CCN6: variants seen among roughly 807,000 people sequenced by gnomAD.
CCN6 encodes cellular communication network factor 6.
Under a neutral mutation model 37.4 loss-of-function variants are expected in CCN6, and 31 were observed. That is an observed-to-expected ratio of 0.83 (90% CI 0.62 to 1.12). CCN6 has a LOEUF of 1.12. Ranked by LOEUF, CCN6 falls within the 50% of genes most tolerant of loss-of-function variation. The pLI is 0.00. For missense variants in CCN6, 369 were observed against 413.8 expected (o/e 0.89, Z 0.94); for synonymous variants, 137 against 142.1 (o/e 0.96, Z 0.26).
intron 1 of CCN6, among the ~76,000 whole-genome samples, chr6:112,058,157 T>C (rs913509222): frequency 1.3e-5 from 2 of 152,200 alleles, no homozygotes; most frequent in Admixed American, 1.3e-4. Context: ...CCCCTGCTCC[T>C]TCTCCAGAAG....
chr6:112,055,258 G>A (rs182562356), intron 1 of CCN6, among the ~76,000 whole-genome samples: 3 of 152,330 alleles, frequency 2.0e-5, no homozygotes, highest in Admixed American at 6.5e-5. Flanking sequence ...TGACAAGAAT[G>A]TCAGTGGTCC....
At chr6:112,057,533 A>G (rs1206123243) in intron 1 of CCN6, among the ~76,000 whole-genome samples, 1 of 152,190 alleles carries the variant, frequency 6.6e-6, no homozygotes, top group Admixed American at 6.5e-5. Context: ...GAGAGGGAGG[A>G]AGACAACCCA....
intron 4 of CCN6, among the ~76,000 whole-genome samples, chr6:112,068,621 TAATG>T (rs1314143317): frequency 1.3e-5 from 2 of 152,150 alleles, no homozygotes; most frequent in African/African-American, 2.4e-5. Flanking sequence ...TTTTCTATGT[TAATG>T]AATAAAAGAT....
intron 1 of CCN6, among the ~76,000 whole-genome samples, chr6:112,059,370 G>C (rs1776441142): frequency 6.6e-6 from 1 of 152,158 alleles, no homozygotes; most frequent in Admixed American, 6.6e-5. Flanking sequence ...GCGTTGGCAG[G>C]ACTGCCTCCC....
chr6:112,057,477 G>A (rs911952827), intron 1 of CCN6, among the ~76,000 whole-genome samples: 6 of 152,190 alleles, frequency 3.9e-5, no homozygotes, highest in African/African-American at 1.4e-4. Flanking sequence ...GGAAGACGAG[G>A]ACAATACAAT....
At chr6:112,067,320 G>A (rs1324252347) in intron 3 of CCN6, among the ~76,000 whole-genome samples, 3 of 152,086 alleles carry the variant, frequency 2.0e-5, no homozygotes, top group Admixed American at 1.3e-4. Flanking sequence ...AATGCCTTGA[G>A]ACAGTAAGTC....
intron 3 of CCN6, among the ~76,000 whole-genome samples, chr6:112,067,340 T>C (rs1412252351): frequency 1.3e-5 from 2 of 152,140 alleles, no homozygotes; most frequent in Non-Finnish European, 2.9e-5. Flanking sequence ...CAATATGTAG[T>C]TTGCTTAAAA....
At chr6:112,060,217 G>T in intron 1 of CCN6, 1 of 1,186,026 alleles carries the variant, frequency 8.4e-7, no homozygotes, top group South Asian at 1.3e-5. Context: ...AGCAAAGAGT[G>T]ATATGAACTG....
intron 2 of CCN6, 65 bp downstream of exon 2, chr6:112,061,353 A>G (rs117127535): frequency 9.7e-5 from 156 of 1,609,562 alleles, no homozygotes; most frequent in Non-Finnish European, 1.3e-4. Flanking sequence ...TTTTCCTGCA[A>G]TTGTTAGCTT....
intron 4 of CCN6, among the ~76,000 whole-genome samples, chr6:112,068,816 A>G (rs921771768): frequency 6.6e-6 from 1 of 151,026 alleles, no homozygotes; most frequent in Admixed American, 6.6e-5. Context: ...ATTGTTTGGT[A>G]TAACTAGAGC....
chr6:112,058,982 C>T (rs949469010), intron 1 of CCN6, among the ~76,000 whole-genome samples: 8 of 152,058 alleles, frequency 5.3e-5, no homozygotes, highest in African/African-American at 1.9e-4. Flanking sequence ...TGCATATGTA[C>T]CATAGCAACT....
Position 112,069,372 on chromosome 6 carries a change from C to T in CCN6, c.817C>T (p.Gln273Ter). ...AGGAAAAACATGCCAACCTACTTTC[C>T]AACTCTCCAAAGCTGAAAAATTTGT... is the stretch of plus-strand genomic sequence containing the variant. Reference protein sequence around the residue: ...PKGKTCQPTFQLSKAEKFVFS... With the variant: ...PKGKTCQPTF Residue 273 changes from glutamine (Q) to a stop codon, truncating the protein, a stop_gained, in exon 5 of 5, where the codon CAA (glutamine) becomes TAA (stop). Transcript: ENST00000368666. LOFTEE classifies it high-confidence loss of function. 6.2e-7 allele frequency: 1 copy of T among 1,613,508 alleles called. No homozygotes were observed. The highest frequency in any genetic ancestry group is 8.5e-7 in the Non-Finnish European group (1 of 1,179,832).
At chr6:112,068,808 T>G (rs1554314593) in intron 4 of CCN6, among the ~76,000 whole-genome samples, 1 of 151,236 alleles carries the variant, frequency 6.6e-6, no homozygotes, top group African/African-American at 2.5e-5. Flanking sequence ...ACCCTAAGAT[T>G]GTTTGGTATA....
Position 112,068,238 on chromosome 6 carries a change from A to C in CCN6, c.623A>C (p.Lys208Thr), listed in dbSNP as rs781970111. Reference sequence around the variant, plus strand: ...AATCTCCCACTTATTTGGAAAAAAAAATGTCTTGTGCAAGCAACAAAATGG... The same window carrying C: ...AATCTCCCACTTATTTGGAAAAAAACATGTCTTGTGCAAGCAACAAAATGG... ...YRNLPLIWKK[K>T]CLVQATKWTP... Residue 208 changes from lysine (K) to threonine (T), a missense_variant, in exon 4 of 5, where the codon AAA (lysine) becomes ACA (threonine). Transcript: ENST00000368666. The C allele has an allele frequency of 4.3e-6, 7 of 1,610,934 alleles. No individual in the cohort carries two copies. In the African/African-American group the frequency reaches 8.0e-5, roughly 18 times the overall value.
rs868971739 is a variant in CCN6, at chr6:112,065,630, A to G, written c.589+633A>G. Among the ~76,000 whole-genome samples, 303 of 148,910 alleles carry G rather than the reference A, an allele frequency of 2.0e-3. 1 individual carries two copies. Among genetic ancestry groups the G allele is most frequent in the Non-Finnish European group, 3.3e-3 (224 of 67,548 alleles). ...CACACGCACACACACACGCACGCAC[A>G]CACACACACACACAAACACACACAT... On this transcript the variant is annotated intron_variant, in intron 3 of 4. Coordinates refer to ENST00000368666, the MANE Select transcript of CCN6 (RefSeq NM_198239.2).
intron 2 of CCN6, among the ~76,000 whole-genome samples, chr6:112,063,404 A>G (rs782613195): frequency 1.3e-5 from 2 of 152,244 alleles, no homozygotes; most frequent in African/African-American, 2.4e-5. Context: ...TCCAAGACCC[A>G]TTTGGAATAG....
At chr6:112,063,913 T>C (rs1554313340) in intron 2 of CCN6, among the ~76,000 whole-genome samples, 1 of 152,240 alleles carries the variant, frequency 6.6e-6, no homozygotes, top group African/African-American at 2.4e-5. Flanking sequence ...ATATTTCCTA[T>C]TTTGTCACGT....
chr6:112,060,956 G>A (rs1439006981), intron 1 of CCN6, 35 bp from the exon 2 acceptor site: 4 of 1,612,366 alleles, frequency 2.5e-6, no homozygotes, highest in Admixed American at 1.7e-5. Context: ...ACATAGAGAA[G>A]CTATTTCTAA....
upstream of CCN6, among the ~76,000 whole-genome samples, chr6:112,053,457 T>C (rs1249651243): frequency 2.0e-4 from 30 of 151,168 alleles, no homozygotes; most frequent in African/African-American, 7.3e-4. Context: ...CCACCACACC[T>C]GGCTAATTTT....
Sources: gnomAD v4.1 joint callset for allele counts (sites outside exome capture counted in the v4.1 genomes callset) on GRCh38, gnomAD v4.1.1 for gene constraint, MANE v1.5 for transcripts, NCBI Gene and HGNC (gene_info 2026-07-23, HGNC 2026-07-21) for gene names.